The following TEP1 variants were observed in gnomAD, a reference collection of about 807,000 sequenced individuals.
The protein encoded by TEP1 is telomerase associated protein 1, also known as telomerase protein component 1.
Under a neutral mutation model 306.3 loss-of-function variants are expected in TEP1, and 241 were observed. The ratio of observed to expected loss-of-function variants is 0.79; its 90% CI spans 0.71 to 0.88. The LOEUF is 0.88. Among genes scored for constraint, TEP1 ranks in the 40% least tolerant of loss-of-function variants. The pLI, the probability that TEP1 is intolerant of heterozygous loss-of-function variation, is 0.00. For missense variants in TEP1, 3,051 were observed against 3,276.1 expected (o/e 0.93, Z 1.68); for synonymous variants, 1,289 against 1,305.5 (o/e 0.99, Z 0.27).
Position 20,383,362 on chromosome 14 carries a change from T to C in TEP1, c.3868-9A>G, listed in dbSNP as rs1876769844. On this transcript the variant is annotated splice_polypyrimidine_tract_variant and intron_variant, in intron 26 of 54. Coordinates refer to ENST00000262715, the MANE Select transcript of TEP1 (RefSeq NM_007110.5). The stretch of plus-strand genomic sequence containing the variant: ...AGCACCAGGTGTACACACTGTGATA[T>C]TTGGGCAAAGGGGCAGGAAGGTAGA... The C allele has an allele frequency of 6.2e-7, 1 of 1,602,566 alleles. No homozygotes were observed. Among genetic ancestry groups the C allele is most frequent in the Non-Finnish European group, 8.5e-7 (1 of 1,173,376 alleles).
chr14:20,391,318 T>C (rs972902227), intron 13 of TEP1, among the ~76,000 whole-genome samples: 2 of 152,080 alleles, frequency 1.3e-5, no homozygotes, highest in African/African-American at 4.8e-5. Context: ...CACCGGGATG[T>C]AGTGAGGTGA....
In TEP1 at chr14:20,401,034, C is replaced by A. The variant is rs760414666; in HGVS notation, c.1499G>T (p.Arg500Leu). 9 of 1,614,090 alleles carry A rather than the reference C, an allele frequency of 5.6e-6. No individual in the cohort carries two copies. The South Asian group carries it at 8.8e-5, about 16-fold the overall frequency. The change falls in exon 9 of 55, where the codon CGG (arginine) becomes CTG (leucine). Residue 500 changes from arginine to leucine, a missense_variant. Coordinates refer to ENST00000262715, the MANE Select transcript of TEP1 (RefSeq NM_007110.5). ...TTTGTTCCCCCGTAGGCTCAGCTCCCGCTCCCAGGTCTCTGGCCTAGACAG... is the reference window on the plus strand; with the variant it reads ...TTTGTTCCCCCGTAGGCTCAGCTCCAGCTCCCAGGTCTCTGGCCTAGACAG... ...MKLSRPETWE[R>L]ELSLRGNKAS...
Position 20,388,068 on chromosome 14 carries a change from C to G in TEP1, c.2526-5G>C. The G allele has an allele frequency of 6.2e-7, 1 of 1,613,886 alleles. No homozygotes were observed. Among genetic ancestry groups the G allele is most frequent in the Non-Finnish European group, 8.5e-7 (1 of 1,179,924 alleles). The stretch of plus-strand genomic sequence containing the variant: ...GCCCCATGCTCTGCAATGAACCTGA[C>G]ATAAATAACAAGATAAATGAGAGTA... On this transcript the variant is annotated splice_polypyrimidine_tract_variant and splice_region_variant and intron_variant, in intron 17 of 54. Coordinates refer to ENST00000262715, the MANE Select transcript of TEP1 (RefSeq NM_007110.5).
In TEP1 at chr14:20,377,618, T is replaced by C; in HGVS notation, c.5857A>G (p.Ile1953Val). 2 of 1,613,956 alleles carry C rather than the reference T, an allele frequency of 1.2e-6. 1 individual carries two copies. Among genetic ancestry groups the C allele is most frequent in the South Asian group, 2.2e-5 (2 of 91,078 alleles). Reference sequence around the variant, plus strand: ...TCAGTACCTGAAGAGATTTTGTAGATCCTAATGCCATCCGCTCGATATCCA... The same window carrying C: ...TCAGTACCTGAAGAGATTTTGTAGACCCTAATGCCATCCGCTCGATATCCA... Reference protein sequence around the residue: ...AVGYRADGIRIYKISSGSQGA... With the variant: ...AVGYRADGIRVYKISSGSQGA... Residue 1953 changes from isoleucine to valine, a missense_variant, in exon 40 of 55, where the codon ATC becomes GTC. Physicochemically the swap from Ile to Val is conservative, Grantham distance 29. Around this residue, in one of 3 missense-constraint regions of TEP1, gnomAD observed 1,540 missense variants for 1,705.9 expected, o/e 0.90. Transcript: ENST00000262715.
Position 20,380,447 on chromosome 14 carries a change from C to T in TEP1, c.4791G>A (p.Lys1597=). 6.2e-7 allele frequency: 1 copy of T among 1,613,810 alleles called. No homozygotes were observed. Among genetic ancestry groups the T allele is most frequent in the East Asian group, 2.2e-5 (1 of 44,878 alleles). Reference sequence around the variant, plus strand: ...ACACTGCAACGTCAGCCTCGGGGAGCTTTTGTTCCTCTTTGGGGACTGAAG... The same window carrying T: ...ACACTGCAACGTCAGCCTCGGGGAGTTTTTGTTCCTCTTTGGGGACTGAAG... ...YASSVPKEEQ[K]LPEADVAVFR... is the part of the protein sequence containing the mutation. The change falls in exon 34 of 55, where the codon AAG becomes AAA. Residue 1597 remains lysine, a synonymous_variant. Coordinates refer to ENST00000262715, the MANE Select transcript of TEP1 (RefSeq NM_007110.5).
In TEP1 at chr14:20,375,761, G is replaced by T; in HGVS notation, c.6357C>A (p.Asn2119Lys). ...WVTGCAWTKD[N>K]LLISCSSDGS... ...CCCCTGGCCCTTTACTCACCAGTAGGTTATCTTTGGTCCAGGCACAGCCAG... is the reference window on the plus strand; with the variant it reads ...CCCCTGGCCCTTTACTCACCAGTAGTTTATCTTTGGTCCAGGCACAGCCAG... Residue 2119 changes from asparagine to lysine, a missense_variant, in exon 43 of 55, where the codon AAC becomes AAA. This residue lies in a region of TEP1 where 1,540 missense variants were observed against 1,705.9 expected (regional missense o/e 0.90). Coordinates refer to ENST00000262715, the MANE Select transcript of TEP1 (RefSeq NM_007110.5). The T allele has an allele frequency of 6.2e-7, 1 of 1,612,400 alleles. No homozygotes were observed. The highest frequency in any genetic ancestry group is 8.5e-7 in the Non-Finnish European group (1 of 1,179,012).
chr14:20,373,647 A>G (rs1238308512), intron 45 of TEP1, 31 bp downstream of exon 45: 4 of 1,614,092 alleles, frequency 2.5e-6, no homozygotes, highest in African/African-American at 1.3e-5. Context: ...AAGAGACAGC[A>G]GGGAAGGGGA....
intron 7 of TEP1, 21 bp from the exon 8 acceptor site, chr14:20,401,602 C>A: frequency 1.2e-6 from 2 of 1,613,184 alleles, no homozygotes; most frequent in South Asian, 1.1e-5. Context: ...ATCCCCAAGT[C>A]CCACAGGGGT....
At chr14:20,372,022 C>T (rs538009064) in intron 49 of TEP1, among the ~76,000 whole-genome samples, 4 of 152,190 alleles carry the variant, frequency 2.6e-5, no homozygotes, top group East Asian at 1.9e-4. Context: ...TAGTATCTCT[C>T]TACTACCATC....
Position 20,383,286 on chromosome 14 carries a change from C to A in TEP1, c.3935G>T (p.Gly1312Val), listed in dbSNP as rs753114132. Residue 1312 changes from glycine (G) to valine (V), a missense_variant, in exon 27 of 55, where the codon GGT becomes GTT. Gly to Val is a moderately radical substitution (Grantham distance 109). Around this residue, in one of 3 missense-constraint regions of TEP1, gnomAD observed 1,540 missense variants for 1,705.9 expected, o/e 0.90. Transcript: ENST00000262715. ...GLGETLEQSQ[G>V]AHVLALGPLE... The stretch of plus-strand genomic sequence containing the variant: ...AGGCCCCAAGGCCAGCACGTGGGCA[C>A]CCTGGCTCTGCTCAAGGGTCTCCCC... 2.5e-6 allele frequency: 4 copies of A among 1,613,276 alleles called. No individual in the cohort carries two copies. The Admixed American group carries it at 5.0e-5, about 20-fold the overall frequency.
chr14:20,368,760 GCACGCA>G (rs757369292), intron 54 of TEP1, 32 bp downstream of exon 54: 8 of 1,303,482 alleles, frequency 6.1e-6, no homozygotes, highest in Admixed American at 2.2e-5. Flanking sequence ...GTGTGCAGGC[GCACGCA>G]CACACACACA....
rs117498872 is a variant in TEP1 at position 20,385,152 on chromosome 14, A to G, written c.2983-43T>C. 1,049 of 1,607,756 alleles carry G rather than the reference A, an allele frequency of 6.5e-4. 18 individuals carry two copies. The East Asian group carries it at 0.02, about 30-fold the overall frequency. On this transcript the variant is annotated intron_variant, in intron 20 of 54. Coordinates refer to ENST00000262715, the MANE Select transcript of TEP1 (RefSeq NM_007110.5). Reference sequence around the variant, plus strand: ...ACAGTGAGTTTAGTCCTAGGCCACAATGACCCTCCCTCCAGACCTGCCAAG... The same window carrying G: ...ACAGTGAGTTTAGTCCTAGGCCACAGTGACCCTCCCTCCAGACCTGCCAAG...
intron 1 of TEP1, among the ~76,000 whole-genome samples, chr14:20,409,855 C>A (rs1324499091): frequency 6.6e-6 from 1 of 151,546 alleles, no homozygotes; most frequent in South Asian, 2.1e-4. Context: ...CCCATCTCTA[C>A]TAAAAAAATA....
At chr14:20,375,137 G>C (rs1166099190) in intron 43 of TEP1, among the ~76,000 whole-genome samples, 2 of 150,550 alleles carry the variant, frequency 1.3e-5, no homozygotes, top group African/African-American at 2.4e-5. Flanking sequence ...CTGGCACACA[G>C]TGAGCATATA....
At chr14:20,407,822 G>A (rs765506821) in intron 2 of TEP1, 51 bp downstream of exon 2, 2 of 1,436,750 alleles carry the variant, frequency 1.4e-6, no homozygotes, top group Non-Finnish European at 1.9e-6. Flanking sequence ...CTAGAGACAA[G>A]AGCATACAAC....
At chr14:20,378,937 TG>T (rs1885365309) in intron 36 of TEP1, 43 bp downstream of exon 36, 1 of 1,613,838 alleles carries the variant, frequency 6.2e-7, no homozygotes, top group South Asian at 1.1e-5. Context: ...TTCCAAAAAA[TG>T]GGGAAGGCCC....
Position 20,380,016 on chromosome 14 carries a change from C to T in TEP1, c.5041G>A (p.Ala1681Thr), listed in dbSNP as rs2139043815. ...TGCCCATTGGTGGAGAAGGCCACAG[C>T]AGTAGGGGATGAGGAAACTGCCAGA... ...LSLAVSSSPT[A>T]VAFSTNGQRA... is the part of the protein sequence containing the mutation. Residue 1681 changes from alanine (A) to threonine (T), a missense_variant, in exon 35 of 55, where the codon GCT becomes ACT. Coordinates refer to ENST00000262715, the MANE Select transcript of TEP1 (RefSeq NM_007110.5). 3.1e-6 allele frequency: 5 copies of T among 1,613,980 alleles called. No homozygotes were observed. Among genetic ancestry groups the T allele is most frequent in the Non-Finnish European group, 4.2e-6 (5 of 1,180,022 alleles).
At position 20,383,264 on chromosome 14, in the gene TEP1, C is replaced by G; in HGVS notation, c.3957G>C (p.Gly1319=). 1 of 1,613,938 alleles carries G rather than the reference C, an allele frequency of 6.2e-7. No individual in the cohort carries two copies. The change falls in exon 27 of 55, where the codon GGG becomes GGC. Residue 1319 remains glycine, a synonymous_variant. Coordinates refer to ENST00000262715, the MANE Select transcript of TEP1 (RefSeq NM_007110.5). ...GGGCCCGAGCAGAGGCCTCCAGAGGCCCCAAGGCCAGCACGTGGGCACCCT... is the reference window on the plus strand; with the variant it reads ...GGGCCCGAGCAGAGGCCTCCAGAGGGCCCAAGGCCAGCACGTGGGCACCCT... ...QSQGAHVLAL[G]PLEASARARL... is the part of the protein sequence containing the mutation.
chr14:20,390,590 G>A, intron 15 of TEP1, 91 bp downstream of exon 15: 1 of 1,250,952 alleles, frequency 8.0e-7, no homozygotes, highest in Non-Finnish European at 1.2e-6. Context: ...TGTGGTTGGA[G>A]AAGTCAGCTC....
Sources: allele counts gnomAD v4.1 joint callset (sites outside exome capture counted in the v4.1 genomes callset), GRCh38; gene constraint gnomAD v4.1.1; regional missense constraint gnomAD v4.1.1; transcripts MANE v1.5; gene names NCBI Gene and HGNC (gene_info 2026-07-23, HGNC 2026-07-21).